LRIG1: variants seen among roughly 807,000 people sequenced by gnomAD.
LRIG1 encodes leucine rich repeats and immunoglobulin like domains 1.
LRIG1 carries 48 observed loss-of-function variants against 99.2 expected under a neutral mutation model. The ratio of observed to expected loss-of-function variants is 0.48; its 90% CI spans 0.38 to 0.62. The LOEUF is 0.62. LRIG1 is among the 20% of genes least tolerant of loss of function. LRIG1 has a pLI of 0.00. For synonymous variants in LRIG1, 772 were observed against 596.1 expected (o/e 1.29, Z -4.30); for missense variants, 1,646 against 1,434.4 (o/e 1.15, Z -2.38).
At chr3:66,469,381 T>A (rs1700546239) in intron 1 of LRIG1, 2 of 152,222 alleles carry the variant, frequency 1.3e-5, no homozygotes, top group South Asian at 4.1e-4. Context: ...AAGGGAAACC[T>A]ACAGTGACTC....
chr3:66,405,574 C>T (rs1331812408), intron 8 of LRIG1, among the ~76,000 whole-genome samples: 1 of 152,236 alleles, frequency 6.6e-6, no homozygotes, highest in Non-Finnish European at 1.5e-5. Flanking sequence ...AGTCTGTATT[C>T]TGCCCCGAGA....
At chr3:66,405,386 C>G (rs1702229972) in intron 8 of LRIG1, 108 bp from the exon 9 acceptor site, 1 of 839,004 alleles carries the variant, frequency 1.2e-6, no homozygotes, top group Non-Finnish European at 2.0e-6. Context: ...GTGCATGCAC[C>G]CTGGAGGCAC....
At chr3:66,391,837 A>C (rs905377556) in intron 12 of LRIG1, among the ~76,000 whole-genome samples, 1 of 152,218 alleles carries the variant, frequency 6.6e-6, no homozygotes, top group Admixed American at 6.5e-5. Flanking sequence ...CACTCATCTA[A>C]AGTATACAAT....
Position 66,399,041 on chromosome 3 carries a change from C to T in LRIG1, c.1161G>A (p.Leu387=). ...AFSGLDSLSK[L]TLFGNKIKSV... Reference sequence around the variant, plus strand: ...ACTTGATCTTGTTTCCAAACAGAGTCCTGTAGTTTCCAAACATCCAGAAAT... The same window carrying T: ...ACTTGATCTTGTTTCCAAACAGAGTTCTGTAGTTTCCAAACATCCAGAAAT... Residue 387 remains leucine (L), a splice_region_variant and synonymous_variant, in exon 10 of 19, where the codon CTG becomes CTA. Transcript: ENST00000273261. 1 of 1,613,466 alleles carries T rather than the reference C, an allele frequency of 6.2e-7. No homozygotes were observed. The highest frequency in any genetic ancestry group is 8.5e-7 in the Non-Finnish European group (1 of 1,179,474).
intron 11 of LRIG1, among the ~76,000 whole-genome samples, chr3:66,396,213 GC>G (rs1701843242): frequency 6.6e-6 from 1 of 152,194 alleles, no homozygotes; most frequent in African/African-American, 2.4e-5. Flanking sequence ...TTCCTAAACA[GC>G]AAGTTAGGAC....
At chr3:66,495,726 C>A (rs868280903) in intron 1 of LRIG1, among the ~76,000 whole-genome samples, 3 of 152,242 alleles carry the variant, frequency 2.0e-5, no homozygotes, top group Non-Finnish European at 2.9e-5. Flanking sequence ...ATCTAACAGA[C>A]CTTCAGGGCT....
chr3:66,382,930 A>G lies in LRIG1; in HGVS notation c.2491+52T>C, dbSNP rs1417146426. 7.2e-6 allele frequency: 11 copies of G among 1,527,224 alleles called. No homozygotes were observed. In the East Asian group the frequency reaches 1.6e-4, roughly 22 times the overall value. 94.6% of individuals were successfully genotyped at this position (1,527,224 alleles called of 1,614,324 possible). On this transcript the variant is annotated intron_variant, in intron 15 of 18. Coordinates refer to ENST00000273261, the MANE Select transcript of LRIG1 (RefSeq NM_015541.3). ...CTGGAACCCGGCCCAGTTCCCCAGCATCACTGCCATTCCTCCCTCCTTGAA... is the reference window on the plus strand; with the variant it reads ...CTGGAACCCGGCCCAGTTCCCCAGCGTCACTGCCATTCCTCCCTCCTTGAA...
Position 66,500,487 on chromosome 3 carries a change from G to T in LRIG1, c.-80C>A. On this transcript the variant is annotated 5_prime_UTR_variant, in exon 1 of 19. Coordinates refer to ENST00000273261, the MANE Select transcript of LRIG1 (RefSeq NM_015541.3). ...GCCGCAGACGCGGGCGGGCCCGCGG[G>T]GCGCTCCGCTCGGCTCTAGACTCCG... The T allele has an allele frequency of 1.2e-6, 1 of 808,458 alleles. No individual in the cohort carries two copies. Among genetic ancestry groups the T allele is most frequent in the East Asian group, 3.5e-5 (1 of 28,798 alleles). 50.1% of individuals were successfully genotyped at this position (808,458 alleles called of 1,614,324 possible). A position where few individuals can be genotyped will look rare whatever the true frequency, so the allele number is the denominator to read the frequency against.
Position 66,420,789 on chromosome 3 carries a change from C to T in LRIG1, c.366-3523G>A, listed in dbSNP as rs117912976. On this transcript the variant is annotated intron_variant, in intron 3 of 18. Coordinates refer to ENST00000273261, the MANE Select transcript of LRIG1 (RefSeq NM_015541.3). The stretch of plus-strand genomic sequence containing the variant: ...GGTGGTGTCCAGGGACCGGGGAGAC[C>T]GCAGAAGGAAGATCTGTTGTTTAAC... Among the ~76,000 whole-genome samples the T allele has an allele frequency of 2.9e-4, 44 of 152,198 alleles. 1 individual carries two copies. The East Asian group carries it at 7.3e-3, about 25-fold the overall frequency.
At chr3:66,404,474 G>A (rs571806231) in intron 9 of LRIG1, 132 of 1,100,872 alleles carry the variant, frequency 1.2e-4, no homozygotes, top group Non-Finnish European at 1.3e-4. Context: ...GTTACACGCA[G>A]AGAAAACAGG....
At chr3:66,428,792 C>T (rs905151340) in intron 3 of LRIG1, among the ~76,000 whole-genome samples, 4 of 152,188 alleles carry the variant, frequency 2.6e-5, no homozygotes, top group African/African-American at 4.8e-5. Context: ...ACTGCTGTCT[C>T]GTAAGAAACA....
Position 66,379,477 on chromosome 3 carries a change from G to A in LRIG1, c.*786C>T, listed in dbSNP as rs145610678. The A allele has an allele frequency of 3.5e-3, 535 of 152,230 alleles. 1 individual carries two copies. Among genetic ancestry groups the A allele is most frequent in the Non-Finnish European group, 4.8e-3 (329 of 68,046 alleles). 9.4% of individuals were successfully genotyped at this position (152,230 alleles called of 1,614,324 possible). A position where few individuals can be genotyped will look rare whatever the true frequency, so the allele number is the denominator to read the frequency against. On this transcript the variant is annotated 3_prime_UTR_variant, in exon 19 of 19. Transcript: ENST00000273261. ...ATAGCAATCGAATGATACTGAGAAG[G>A]CCACATTTGCTTTTATCATAAAATA...
chr3:66,443,128 T>C (rs1047283641), intron 3 of LRIG1, among the ~76,000 whole-genome samples: 8 of 152,112 alleles, frequency 5.3e-5, no homozygotes, highest in African/African-American at 1.9e-4. Context: ...CTGGGAAGTT[T>C]CCGGGACAGA....
chr3:66,392,989 G>A (rs1376982766), intron 12 of LRIG1, among the ~76,000 whole-genome samples: 2 of 152,332 alleles, frequency 1.3e-5, no homozygotes, highest in Middle Eastern at 3.4e-3. Context: ...GGTTTAAGAC[G>A]TGTCCCTGGT....
chr3:66,415,671 T>A (rs2106690661), intron 4 of LRIG1, among the ~76,000 whole-genome samples: 1 of 152,314 alleles, frequency 6.6e-6, no homozygotes. Flanking sequence ...ACTTACAGCG[T>A]GATTAAGTCG....
At chr3:66,454,282 C>T (rs900266829) in intron 2 of LRIG1, among the ~76,000 whole-genome samples, 1 of 152,170 alleles carries the variant, frequency 6.6e-6, no homozygotes, top group African/African-American at 2.4e-5. Flanking sequence ...ATACTCTCCT[C>T]AGAAGGCAGC....
rs899144519 is a variant in LRIG1, at chr3:66,380,148, A to G, written c.*115T>C. 2 of 778,812 alleles carry G rather than the reference A, an allele frequency of 2.6e-6. No individual in the cohort carries two copies. The highest frequency in any genetic ancestry group is 4.0e-6 in the Non-Finnish European group (2 of 493,920). 48.2% of individuals were successfully genotyped at this position (778,812 alleles called of 1,614,324 possible). Reference sequence around the variant, plus strand: ...GTCCTGTGAGCGACTGATACTCCACATGGGAGTTACAACTATGTACAGATG... The same window carrying G: ...GTCCTGTGAGCGACTGATACTCCACGTGGGAGTTACAACTATGTACAGATG... On this transcript the variant is annotated 3_prime_UTR_variant, in exon 19 of 19. Transcript: ENST00000273261.
intron 2 of LRIG1, among the ~76,000 whole-genome samples, chr3:66,455,005 C>A (rs932480700): frequency 1.3e-5 from 2 of 152,212 alleles, no homozygotes; most frequent in African/African-American, 4.8e-5. Flanking sequence ...AGTACATTGG[C>A]ATGATCTCGG....
At chr3:66,455,660 G>A (rs144888377) in intron 2 of LRIG1, among the ~76,000 whole-genome samples, 166 of 152,296 alleles carry the variant, frequency 1.1e-3, no homozygotes, top group East Asian at 2.9e-3. Context: ...TGGGCAGTGC[G>A]TTGAAACTGT....
Sources: allele counts gnomAD v4.1 joint callset (sites outside exome capture counted in the v4.1 genomes callset), GRCh38; gene constraint gnomAD v4.1.1; transcripts MANE v1.5; gene names NCBI Gene and HGNC (gene_info 2026-07-23, HGNC 2026-07-21).